TENM1: variants seen among roughly 807,000 people sequenced by gnomAD.
TENM1 encodes teneurin transmembrane protein 1.
A neutral mutation model predicts 174.8 loss-of-function variants in TENM1; 35 were observed. The ratio of observed to expected loss-of-function variants is 0.20; its 90% CI spans 0.15 to 0.27. The LOEUF (loss-of-function observed/expected upper bound fraction) is 0.27, where lower values mean the gene tolerates loss of function less well. Ranked by LOEUF, TENM1 falls within the 10% of genes least tolerant of loss-of-function variation. The pLI, the probability that TENM1 is intolerant of heterozygous loss-of-function variation, is 1.00. For synonymous variants in TENM1, 781 were observed against 798.7 expected (o/e 0.98, Z 0.37); for missense variants, 1,633 against 2,130.1 (o/e 0.77, Z 4.59).
intron 1 of TENM1, among the ~76,000 whole-genome samples, chrX:124,901,802 T>C (rs1000409020): frequency 2.7e-5 from 3 of 111,684 alleles, no homozygotes; most frequent in Non-Finnish European, 5.6e-5. Flanking sequence ...TACCTCCCCA[T>C]GCTTCCTCTA....
chrX:124,755,607 G>T (rs1448850899), intron 3 of TENM1, among the ~76,000 whole-genome samples: 2 of 110,452 alleles, frequency 1.8e-5, no homozygotes, highest in African/African-American at 6.7e-5. Flanking sequence ...AATTTGGCAT[G>T]ATTTTGCAGT....
the TENM1 span, among the ~76,000 whole-genome samples, chrX:124,991,498 CAGAG>C: frequency 9.5e-6 from 1 of 104,977 alleles, no homozygotes; most frequent in Non-Finnish European, 2.0e-5. Context: ...GGGAGAGAGA[CAGAG>C]AGAGACAGAG....
the TENM1 span, among the ~76,000 whole-genome samples, chrX:124,982,270 G>GAAAAAAAAAAA: frequency 7.6e-4 from 8 of 10,533 alleles, no homozygotes; most frequent in East Asian, 1.7e-3. Context: ...AAGAAAATGT[G>GAAAAAAAAAAA]AAAAAAAAAA....
rs1055194353 is a variant in TENM1 at position 124,588,855 on chromosome X, C to T, written c.2078-23295G>A. On this transcript the variant is annotated intron_variant, in intron 11 of 31. Coordinates refer to ENST00000422452, the Ensembl canonical transcript of TENM1. ...GATAACATCCATGAAGACAGATAGTCTGAGTTCCTCTCTTCCTATTTGGAT... is the reference window on the plus strand; with the variant it reads ...GATAACATCCATGAAGACAGATAGTTTGAGTTCCTCTCTTCCTATTTGGAT... Among the ~76,000 whole-genome samples the T allele has an allele frequency of 2.9e-4, 32 of 111,012 alleles. No individual in the cohort carries two copies. The East Asian group carries it at 8.5e-3, about 30-fold the overall frequency.
chrX:124,918,289 C>T (rs1340607735), intron 1 of TENM1, among the ~76,000 whole-genome samples: 1 of 109,889 alleles, frequency 9.1e-6, no homozygotes, highest in Non-Finnish European at 1.9e-5. Flanking sequence ...AAGCGATTCT[C>T]CAGCTTCAGC....
At chrX:125,065,255 A>C in the TENM1 span, among the ~76,000 whole-genome samples, 8 of 112,114 alleles carry the variant, frequency 7.1e-5, no homozygotes, top group East Asian at 2.3e-3. Flanking sequence ...CTGGAGGGCC[A>C]AAGAATGATA....
At chrX:124,509,602 G>A (rs935233477) in intron 18 of TENM1, among the ~76,000 whole-genome samples, 3 of 110,802 alleles carry the variant, frequency 2.7e-5, no homozygotes, top group Admixed American at 9.6e-5. Context: ...GCTGCTCTAC[G>A]TGCCAGGCAG....
At chrX:125,127,829 C>A in the TENM1 span, among the ~76,000 whole-genome samples, 1 of 110,969 alleles carries the variant, frequency 9.0e-6, no homozygotes, top group Non-Finnish European at 1.9e-5. Flanking sequence ...TCAATATGGA[C>A]AAATGACTTT....
At chrX:124,560,484 G>A (rs2048793674) in intron 14 of TENM1, among the ~76,000 whole-genome samples, 6 of 110,872 alleles carry the variant, frequency 5.4e-5, no homozygotes, top group Admixed American at 4.8e-4. Context: ...CATAAAACTT[G>A]TCCCAAATCA....
intron 28 of TENM1, among the ~76,000 whole-genome samples, chrX:124,387,802 T>C (rs2060238189): frequency 8.9e-6 from 1 of 112,113 alleles, no homozygotes; most frequent in South Asian, 3.7e-4. Flanking sequence ...CAGAGGTGAG[T>C]GCAGAAATCC....
intron 4 of TENM1, among the ~76,000 whole-genome samples, chrX:124,733,693 C>T (rs1028986634): frequency 6.2e-5 from 7 of 112,040 alleles, no homozygotes; most frequent in African/African-American, 1.3e-4. Flanking sequence ...CATTGTGATG[C>T]TAAATATATG....
chrX:125,099,221 G>T, the TENM1 span, among the ~76,000 whole-genome samples: 1 of 111,755 alleles, frequency 8.9e-6, no homozygotes, highest in Non-Finnish European at 1.9e-5. Context: ...GTCTGTTTGG[G>T]TTTTTTTGTA....
rs1194264960 is a variant in TENM1, at chrX:124,646,702, A to T, written c.1681+7T>A. 3 of 1,159,926 alleles carry T rather than the reference A, an allele frequency of 2.6e-6. No homozygotes were observed. The highest frequency in any genetic ancestry group is 4.4e-5 in the Admixed American group (2 of 45,104). On this transcript the variant is annotated splice_region_variant and intron_variant, in intron 9 of 31. Transcript: ENST00000422452. Reference sequence around the variant, plus strand: ...CTAAACCAATCAGAATAACAGAGCAACATTACCTCTAGCACAGTCAGGTCC... The same window carrying T: ...CTAAACCAATCAGAATAACAGAGCATCATTACCTCTAGCACAGTCAGGTCC...
At chrX:124,631,940 T>C (rs2050768927) in intron 11 of TENM1, among the ~76,000 whole-genome samples, 1 of 94,840 alleles carries the variant, frequency 1.1e-5, no homozygotes, top group African/African-American at 3.9e-5. Flanking sequence ...TTTTTGACAG[T>C]CTTGCTCTGT....
chrX:125,115,192 C>G, the TENM1 span, among the ~76,000 whole-genome samples: 2 of 111,401 alleles, frequency 1.8e-5, no homozygotes, highest in African/African-American at 3.3e-5. Context: ...ATTTAACACC[C>G]CTTCATGCTA....
At chrX:124,497,031 C>G in exon 20 of TENM1, 3 of 1,209,920 alleles carry the variant, frequency 2.5e-6, no homozygotes, top group South Asian at 3.5e-5. Flanking sequence ...TTCCAAAATA[C>G]TAACGGAGTT....
the TENM1 span, among the ~76,000 whole-genome samples, chrX:125,007,531 G>A: frequency 1.8e-5 from 2 of 110,835 alleles, no homozygotes; most frequent in African/African-American, 6.6e-5. Flanking sequence ...GAAATACAGA[G>A]AACACCACTA....
At chrX:124,420,201 G>T in intron 25 of TENM1, 110 bp downstream of exon 28, 1 of 889,410 alleles carries the variant, frequency 1.1e-6, no homozygotes, top group South Asian at 2.8e-5. Flanking sequence ...AATGGTGGTT[G>T]TTAGGAGAAA....
chrX:125,026,150 T>A, the TENM1 span, among the ~76,000 whole-genome samples: 1 of 96,349 alleles, frequency 1.0e-5, no homozygotes, highest in African/African-American at 3.9e-5. Flanking sequence ...GCTTGTAAAA[T>A]AAACAATCCT....
Sources: gnomAD v4.1 joint callset for allele counts (sites outside exome capture counted in the v4.1 genomes callset) on GRCh38, gnomAD v4.1.1 for gene constraint, MANE v1.5 for transcripts, NCBI Gene and HGNC (gene_info 2026-07-23, HGNC 2026-07-21) for gene names.